KIAA0586: variants seen among roughly 807,000 people sequenced by gnomAD.
KIAA0586 encodes the protein KIAA0586, also known as protein TALPID3.
A neutral mutation model predicts 169.8 loss-of-function variants in KIAA0586; 144 were observed. The ratio of observed to expected loss-of-function variants is 0.85; its 90% CI spans 0.74 to 0.97. The LOEUF (loss-of-function observed/expected upper bound fraction) is 0.97. Among genes scored for constraint, KIAA0586 ranks in the 50% least tolerant of loss-of-function variants. KIAA0586 has a pLI of 0.00. For missense variants in KIAA0586, 1,854 were observed against 1,823.0 expected, an observed-to-expected ratio of 1.02 and a Z score of -0.31; for synonymous variants, 625 against 612.4, an observed-to-expected ratio of 1.02 and a Z score of -0.30.
Position 58,465,870 on chromosome 14 carries a change from T to G in KIAA0586, c.2095T>G (p.Phe699Val). The change falls in exon 15 of 31, where the codon TTC becomes GTC. Residue 699 changes from phenylalanine to valine, a missense_variant. Physicochemically the swap from Phe to Val is conservative, Grantham distance 50. Transcript: ENST00000652326. The stretch of plus-strand genomic sequence containing the variant: ...AAAGTCAATAAGAACACAGACTGAC[T>G]TCTATGCAACAAAACCTAAGAAGAT... ...KVKSIRTQTD[F>V]YATKPKKMDS... 1 of 1,612,016 alleles carries G rather than the reference T, an allele frequency of 6.2e-7. No homozygotes were observed.
intron 29 of KIAA0586, among the ~76,000 whole-genome samples, chr14:58,532,789 CTAAG>C (rs1181500793): frequency 6.6e-6 from 1 of 152,062 alleles, no homozygotes. Context: ...TCTTGGGTTT[CTAAG>C]TAAGAAGAAA....
intron 8 of KIAA0586, among the ~76,000 whole-genome samples, chr14:58,452,518 G>A (rs545125211): frequency 1.4e-4 from 21 of 152,130 alleles, no homozygotes; most frequent in African/African-American, 4.3e-4. Context: ...TACAAACAAG[G>A]CTAAAGGATA....
At chr14:58,508,245 A>G (rs372140364) in intron 27 of KIAA0586, among the ~76,000 whole-genome samples, 4 of 152,234 alleles carry the variant, frequency 2.6e-5, no homozygotes, top group African/African-American at 7.2e-5. Context: ...GAGATAGGAA[A>G]GGTAAGCAGG....
chr14:58,485,114 G>T (rs2042354287), intron 21 of KIAA0586, among the ~76,000 whole-genome samples: 1 of 148,756 alleles, frequency 6.7e-6, no homozygotes, highest in East Asian at 2.0e-4. Context: ...AGTAGAAACG[G>T]GGTTTCACCA....
Position 58,428,143 on chromosome 14 carries a change from G to A in KIAA0586, c.-122G>A, listed in dbSNP as rs1025470013. The A allele has an allele frequency of 6.8e-7, 1 of 1,475,586 alleles. No homozygotes were observed. The highest frequency in any genetic ancestry group is 9.0e-7 in the Non-Finnish European group (1 of 1,117,166). The allele number at this position is 1,475,586 out of a possible 1,614,324, so 91.4% of individuals were successfully genotyped here. A position where few individuals can be genotyped will look rare whatever the true frequency, so the allele number is the denominator to read the frequency against. On this transcript the variant is annotated 5_prime_UTR_variant, in exon 1 of 31. In the 5' UTR this introduces an upstream ATG that the reference lacks. Coordinates refer to ENST00000652326, the MANE Select transcript of KIAA0586 (RefSeq NM_001329943.3). ...TATCAGAATTTAGATTTTCAGCTTT[G>A]TGGATGTTCGACATTTTAAAAACAG...
rs766154629 is a variant in KIAA0586, at chr14:58,508,732, AT to A, written c.4323+27del. ...CAGGTACCAAATTAATAGCACTTGTATTTTACTTAAAATGAGAATTGAAACA... is the reference window on the plus strand; with the variant it reads ...CAGGTACCAAATTAATAGCACTTGTATTTACTTAAAATGAGAATTGAAACA... On this transcript the variant is annotated intron_variant, in intron 28 of 30. Coordinates refer to ENST00000652326, the MANE Select transcript of KIAA0586 (RefSeq NM_001329943.3). 4.5e-6 allele frequency: 7 copies of A among 1,548,428 alleles called. No individual in the cohort carries two copies. The African/African-American group carries it at 9.5e-5, about 21-fold the overall frequency.
rs1461055461 is a variant in KIAA0586 at position 58,467,277 on chromosome 14, A to ATT, written c.2255-458_2255-457insTT. Among the ~76,000 whole-genome samples the ATT allele has an allele frequency of 7.9e-5, 12 of 152,292 alleles. No individual in the cohort carries two copies. In the East Asian group the frequency reaches 2.3e-3, roughly 29 times the overall value. ...ATATACAAATTGTATAGCTAAGAAA[A>ATT]CTGAAGCACAAAAGGGTTACATAAT... On this transcript the variant is annotated intron_variant, in intron 15 of 30. Transcript: ENST00000652326.
chr14:58,533,563 G>A (rs1291326334), intron 29 of KIAA0586, among the ~76,000 whole-genome samples: 1 of 152,126 alleles, frequency 6.6e-6, no homozygotes, highest in East Asian at 1.9e-4. Context: ...TTTCATTTGT[G>A]TTGCCCATCT....
chr14:58,466,872 T>TCAC (rs1419530115), intron 15 of KIAA0586, among the ~76,000 whole-genome samples: 1 of 152,238 alleles, frequency 6.6e-6, no homozygotes, highest in Non-Finnish European at 1.5e-5. Flanking sequence ...AAGTGAAAGC[T>TCAC]GTGTGGGTGT....
Position 58,448,112 on chromosome 14 carries a change from A to C in KIAA0586, c.808-228A>C, listed in dbSNP as rs566186458. Among the ~76,000 whole-genome samples, 4 of 152,318 alleles carry C rather than the reference A, an allele frequency of 2.6e-5. 1 individual carries two copies. The South Asian group carries it at 8.3e-4, about 32-fold the overall frequency. On this transcript the variant is annotated intron_variant, in intron 6 of 30. Coordinates refer to ENST00000652326, the MANE Select transcript of KIAA0586 (RefSeq NM_001329943.3). The stretch of plus-strand genomic sequence containing the variant: ...AGGTTTAGAATGGTTAAGGAAAATG[A>C]TTAAGGTCACACAGCAGAGTCAGGC...
chr14:58,461,053 T>A lies in KIAA0586; in HGVS notation c.1952T>A (p.Val651Asp), dbSNP rs781437885. 5 of 1,612,402 alleles carry A rather than the reference T, an allele frequency of 3.1e-6. No individual in the cohort carries two copies. The highest frequency in any genetic ancestry group is 4.2e-6 in the Non-Finnish European group (5 of 1,179,228). ...ATGTTACAAGTCTATGGAAAGCCAGTTTATCAGGGCCATCGAAGCACTCTT... is the reference window on the plus strand; with the variant it reads ...ATGTTACAAGTCTATGGAAAGCCAGATTATCAGGGCCATCGAAGCACTCTT... ...DYMLQVYGKP[V>D]YQGHRSTLKK... The change falls in exon 14 of 31, where the codon GTT becomes GAT. Residue 651 changes from valine (V) to aspartate (D), a missense_variant. By Grantham distance (152) the Val-to-Asp change is radical (BLOSUM62 -3). Coordinates refer to ENST00000652326, the MANE Select transcript of KIAA0586 (RefSeq NM_001329943.3).
At chr14:58,439,457 G>C (rs565655749) in intron 4 of KIAA0586, among the ~76,000 whole-genome samples, 1 of 152,072 alleles carries the variant, frequency 6.6e-6, no homozygotes, top group East Asian at 2.0e-4. Flanking sequence ...AAAGTGCTGG[G>C]ATTACAGGCG....
chr14:58,443,244 A>G (rs2038558498), intron 5 of KIAA0586, among the ~76,000 whole-genome samples: 1 of 152,218 alleles, frequency 6.6e-6, no homozygotes, highest in Non-Finnish European at 1.5e-5. Flanking sequence ...GGAAGCAGAG[A>G]AACAGGTCAG....
chr14:58,467,830 T>G lies in KIAA0586; in HGVS notation c.2350T>G (p.Ser784Ala), dbSNP rs777896750. ...VTVTTSIPPSSRKVETGVKKP... is the reference protein window; with the variant it reads ...VTVTTSIPPSARKVETGVKKP... ...TGTGACTACTTCTATTCCTCCATCA[T>G]CTCGAAAAGTAGAAACTGGAGTAAA... Residue 784 changes from serine (S) to alanine (A), a missense_variant, in exon 16 of 31, where the codon TCT (serine) becomes GCT (alanine). Ser to Ala is a moderately conservative substitution (Grantham distance 99). Transcript: ENST00000652326. The G allele has an allele frequency of 6.2e-7, 1 of 1,613,690 alleles. No homozygotes were observed. The highest frequency in any genetic ancestry group is 1.7e-5 in the Admixed American group (1 of 60,010).
Position 58,472,963 on chromosome 14 carries a change from G to C in KIAA0586, c.2634+684G>C, listed in dbSNP as rs886871798. 1.1e-4 allele frequency among the ~76,000 whole-genome samples: 15 copies of C among 142,790 alleles called. No homozygotes were observed. In the Admixed American group the frequency reaches 1.1e-3, roughly 11 times the overall value. 93.7% of individuals were successfully genotyped at this position (142,790 alleles called of 152,430 possible). On this transcript the variant is annotated intron_variant, in intron 18 of 30. Coordinates refer to ENST00000652326, the MANE Select transcript of KIAA0586 (RefSeq NM_001329943.3). ...CACAGATATGTCTTTTCTCATGTGA[G>C]TGCCACATGAGAATTTTGAAGACAG...
intron 25 of KIAA0586, 75 bp from the exon 26 acceptor site, chr14:58,492,069 A>G: frequency 8.2e-7 from 1 of 1,218,626 alleles, no homozygotes; most frequent in Non-Finnish European, 1.1e-6. Context: ...ATAAGTTTTT[A>G]TTAATCTTAA....
chr14:58,484,908 A>ATTTT (rs1566877084), intron 21 of KIAA0586, among the ~76,000 whole-genome samples: 2 of 26,384 alleles, frequency 7.6e-5, no homozygotes, highest in Non-Finnish European at 1.5e-4. Context: ...ATATATATAT[A>ATTTT]TATATATATA....
chr14:58,511,575 C>T (rs1050271254), intron 28 of KIAA0586, among the ~76,000 whole-genome samples: 6 of 152,152 alleles, frequency 3.9e-5, no homozygotes, highest in Admixed American at 2.6e-4. Flanking sequence ...GCAGCCAGAG[C>T]CAGAGGTAGT....
intron 15 of KIAA0586, among the ~76,000 whole-genome samples, chr14:58,466,842 C>T (rs1352467694): frequency 1.3e-5 from 2 of 151,894 alleles, no homozygotes; most frequent in Non-Finnish European, 2.9e-5. Flanking sequence ...TTTTTTTGTA[C>T]TTTTGAACTA....
Sources: allele counts gnomAD v4.1 joint callset (sites outside exome capture counted in the v4.1 genomes callset), GRCh38; gene constraint gnomAD v4.1.1; transcripts MANE v1.5; gene names NCBI Gene and HGNC (gene_info 2026-07-23, HGNC 2026-07-21).